Variants in PCDHA6 observed in about 807,000 individuals in gnomAD.
PCDHA6 encodes protocadherin alpha-6.
Under a neutral mutation model 60.3 loss-of-function variants are expected in PCDHA6, and 55 were observed. That is an observed-to-expected ratio of 0.91 (90% CI 0.73 to 1.14). The LOEUF is 1.14. Ranked by LOEUF, PCDHA6 falls within the 50% of genes most tolerant of loss-of-function variation. The pLI is 0.00. For missense variants in PCDHA6, 1,327 were observed against 1,256.5 expected, an observed-to-expected ratio of 1.06 and a Z score of -0.85; for synonymous variants, 652 against 557.9, an observed-to-expected ratio of 1.17 and a Z score of -2.38.
Position 141,001,288 on chromosome 5 carries a change from C to T in PCDHA6, c.2543-8339C>T, listed in dbSNP as rs147786395. 2.9e-3 allele frequency among the ~76,000 whole-genome samples: 438 copies of T among 152,218 alleles called. 7 individuals are homozygous for T. The East Asian group carries it at 0.044, about 15-fold the overall frequency. ...TATGAACTTTTTTTACGGATGAAAACTGAGGCCCAGAGATATGAAATAATT... is the reference window on the plus strand; with the variant it reads ...TATGAACTTTTTTTACGGATGAAAATTGAGGCCCAGAGATATGAAATAATT... On this transcript the variant is annotated intron_variant, in intron 3 of 3. Transcript: ENST00000529310.
At chr5:140,926,129 G>C (rs2082926412) in intron 1 of PCDHA6, among the ~76,000 whole-genome samples, 1 of 152,178 alleles carries the variant, frequency 6.6e-6, no homozygotes, top group African/African-American at 2.4e-5. Flanking sequence ...ACTTCAACCC[G>C]CAGCAGGATC....
intron 2 of PCDHA6, among the ~76,000 whole-genome samples, chr5:140,980,838 A>G (rs141603230): frequency 5.3e-5 from 8 of 152,320 alleles, no homozygotes; most frequent in African/African-American, 1.4e-4. Flanking sequence ...GTGAACCTAA[A>G]TAATACTAAT....
chr5:140,836,144 G>T (rs2150253955), intron 1 of PCDHA6: 2 of 1,613,780 alleles, frequency 1.2e-6, no homozygotes, highest in Non-Finnish European at 1.7e-6. Context: ...CTGTGGGCGC[G>T]GGCCATGTGG....
At position 140,828,490 on chromosome 5, in the gene PCDHA6, C is replaced by T. The variant is rs1338028540; in HGVS notation, c.399C>T (p.Phe133=). The change falls in exon 1 of 4, where the codon TTC becomes TTT. Residue 133 remains phenylalanine (F), a synonymous_variant. Coordinates refer to ENST00000529310, the MANE Select transcript of PCDHA6 (RefSeq NM_018909.4). The stretch of plus-strand genomic sequence containing the variant: ...ACATTAACGACAACCCGCCCTTGTT[C>T]CCGGTAGAGGAACAAAGAGTGCTGA... The part of the protein sequence containing the change: ...VRDINDNPPL[F]PVEEQRVLIY... 1 of 1,614,054 alleles carries T rather than the reference C, an allele frequency of 6.2e-7. No homozygotes were observed. The highest frequency in any genetic ancestry group is 8.5e-7 in the Non-Finnish European group (1 of 1,180,044).
chr5:140,836,641 A>G, intron 1 of PCDHA6: 1 of 1,613,486 alleles, frequency 6.2e-7, no homozygotes, highest in South Asian at 1.1e-5. Flanking sequence ...TTCTCCCAGC[A>G]GAGGCGGCAG....
chr5:140,923,275 CA>C (rs1328074482), intron 1 of PCDHA6, among the ~76,000 whole-genome samples: 2 of 152,128 alleles, frequency 1.3e-5, no homozygotes, highest in Admixed American at 1.3e-4. Context: ...CTTGTCTCTA[CA>C]AAAAATTAAA....
rs782468691 is a variant in PCDHA6 at position 140,962,448 on chromosome 5, A to C, written c.2395-16501A>C. Reference sequence around the variant, plus strand: ...TGTTACTTATCCAAAGATGGCTTGAATCTCTTATGGCTTGAATCTCTTTGT... The same window carrying C: ...TGTTACTTATCCAAAGATGGCTTGACTCTCTTATGGCTTGAATCTCTTTGT... On this transcript the variant is annotated intron_variant, in intron 1 of 3. Coordinates refer to ENST00000529310, the MANE Select transcript of PCDHA6 (RefSeq NM_018909.4). Among the ~76,000 whole-genome samples the C allele has an allele frequency of 4.7e-4, 72 of 152,232 alleles. 1 individual carries two copies. The highest frequency in any genetic ancestry group is 6.8e-3 in the Middle Eastern group (2 of 294).
chr5:140,848,487 G>T (rs2150411102), intron 1 of PCDHA6: 1 of 1,574,380 alleles, frequency 6.4e-7, no homozygotes, highest in Non-Finnish European at 8.7e-7. Context: ...AGAAGACTGA[G>T]TATTTGAAAT....
intron 1 of PCDHA6, chr5:140,856,806 A>G: frequency 1.3e-6 from 2 of 1,595,552 alleles, no homozygotes; most frequent in African/African-American, 1.3e-5. Context: ...ATGTATGAAA[A>G]TCAAGTGAAC....
chr5:140,950,237 A>C (rs1192417956), intron 1 of PCDHA6, among the ~76,000 whole-genome samples: 1 of 151,954 alleles, frequency 6.6e-6, no homozygotes, highest in African/African-American at 2.4e-5. Context: ...AGTGCCATTA[A>C]TTTGTTCCTA....
intron 3 of PCDHA6, among the ~76,000 whole-genome samples, chr5:140,982,824 GGTTT>G (rs74513655): frequency 0.037 from 5,640 of 152,044 alleles, 162 homozygotes; most frequent in Non-Finnish European, 0.055. Flanking sequence ...AAGTTTTTGG[GGTTT>G]GTTTGTTTGT....
At chr5:140,838,902 A>G (rs1775938113) in intron 1 of PCDHA6, among the ~76,000 whole-genome samples, 1 of 152,028 alleles carries the variant, frequency 6.6e-6, no homozygotes, top group Non-Finnish European at 1.5e-5. Context: ...GTGACAGAGC[A>G]ATACCTTGCC....
intron 1 of PCDHA6, among the ~76,000 whole-genome samples, chr5:140,831,411 G>A (rs1771518698): frequency 6.6e-6 from 1 of 151,592 alleles, no homozygotes; most frequent in South Asian, 2.1e-4. Context: ...CCATGCTGGA[G>A]TACAGTGGTG....
intron 1 of PCDHA6, among the ~76,000 whole-genome samples, chr5:140,938,642 CCTT>C (rs1554212266): frequency 6.6e-6 from 1 of 151,942 alleles, no homozygotes; most frequent in East Asian, 1.9e-4. Flanking sequence ...GATGTATAAT[CCTT>C]CTTTATATCA....
intron 1 of PCDHA6, among the ~76,000 whole-genome samples, chr5:140,940,668 C>T (rs1475667382): frequency 3.3e-5 from 5 of 152,166 alleles, no homozygotes; most frequent in African/African-American, 1.2e-4. Flanking sequence ...AAATCTTCAT[C>T]TGATAATTCC....
chr5:140,856,728 T>A (rs782022822), intron 1 of PCDHA6: 1 of 1,595,848 alleles, frequency 6.3e-7, no homozygotes, highest in Middle Eastern at 1.7e-4. Flanking sequence ...TCTGTTTCTC[T>A]GCTGATCCTG....
chr5:140,968,832 C>A (rs1554231147), intron 1 of PCDHA6: 1 of 1,614,200 alleles, frequency 6.2e-7, no homozygotes, highest in East Asian at 2.2e-5. Flanking sequence ...AAAATCCTCC[C>A]TGACACTCAG....
chr5:140,839,117 T>C (rs1776042409), intron 1 of PCDHA6, among the ~76,000 whole-genome samples: 1 of 151,952 alleles, frequency 6.6e-6, no homozygotes, highest in Admixed American at 6.5e-5. Flanking sequence ...CATTAAGCCA[T>C]AATATGTCAT....
intron 1 of PCDHA6, chr5:140,835,965 C>G (rs1422136448): frequency 1.2e-6 from 2 of 1,613,074 alleles, no homozygotes; most frequent in African/African-American, 1.3e-5. Flanking sequence ...CCACGAGGAG[C>G]TGGAGCTGTT....
Sources: allele counts gnomAD v4.1 joint callset (sites outside exome capture counted in the v4.1 genomes callset), GRCh38; gene constraint gnomAD v4.1.1; transcripts MANE v1.5; gene names NCBI Gene and HGNC (gene_info 2026-07-23, HGNC 2026-07-21).